The following SLC39A8 variants were observed in gnomAD, a reference collection of about 807,000 sequenced individuals.
SLC39A8 encodes solute carrier family 39 member 8, also known as metal cation symporter ZIP8.
SLC39A8 carries 15 observed loss-of-function variants against 40.4 expected under a neutral mutation model. The observed-to-expected ratio is 0.37, with a 90% CI of 0.25 to 0.57. The LOEUF (loss-of-function observed/expected upper bound fraction) is 0.57, where lower values mean the gene tolerates loss of function less well. SLC39A8 is among the 20% of genes least tolerant of loss of function. The pLI, the probability that SLC39A8 is intolerant of heterozygous loss-of-function variation, is 0.75. For synonymous variants in SLC39A8, 223 were observed against 221.6 expected (o/e 1.01, Z -0.06); for missense variants, 472 against 558.8 (o/e 0.84, Z 1.57).
chr4:102,320,541 TGA>T (rs1462526984), intron 2 of SLC39A8, among the ~76,000 whole-genome samples: 2 of 31,368 alleles, frequency 6.4e-5, no homozygotes, highest in Non-Finnish European at 1.1e-4. Flanking sequence ...AATATATATA[TGA>T]GAGTATATAT....
At chr4:102,281,376 G>A (rs1395805683) in intron 6 of SLC39A8, among the ~76,000 whole-genome samples, 4 of 152,130 alleles carry the variant, frequency 2.6e-5, no homozygotes, top group South Asian at 2.1e-4. Context: ...AACCAACCCC[G>A]TGCAGCAGCT....
At chr4:102,264,578 G>C (rs1386539759) in intron 8 of SLC39A8, among the ~76,000 whole-genome samples, 1 of 151,404 alleles carries the variant, frequency 6.6e-6, no homozygotes, top group Non-Finnish European at 1.5e-5. Flanking sequence ...TAGTAAGACA[G>C]TCAGCCTATC....
chr4:102,252,661 C>G (rs1731620131), exon 12 of SLC39A8: 1 of 152,186 alleles, frequency 6.6e-6, no homozygotes, highest in Non-Finnish European at 1.5e-5. Flanking sequence ...TAAGGATGTC[C>G]TCATGGACCA....
Position 102,315,721 on chromosome 4 carries a change from A to C in SLC39A8, c.329T>G (p.Phe110Cys). 1 of 1,613,226 alleles carries C rather than the reference A, an allele frequency of 6.2e-7. No individual in the cohort carries two copies. The highest frequency in any genetic ancestry group is 8.5e-7 in the Non-Finnish European group (1 of 1,179,478). ...ICPAVLQQLN[F>C]HPCEDRPKHK... ...CTTGGGCCGATCCTCACATGGGTGAAAGTTCAATTGCTGTAAGACTGCTGG... is the reference window on the plus strand; with the variant it reads ...CTTGGGCCGATCCTCACATGGGTGACAGTTCAATTGCTGTAAGACTGCTGG... Residue 110 changes from phenylalanine to cysteine, a missense_variant, in exon 3 of 9, where the codon TTT becomes TGT. Physicochemically the swap from Phe to Cys is radical, Grantham distance 205. This residue lies in a region of SLC39A8 where 175 missense variants were observed against 160.5 expected (regional missense o/e 1.09). Transcript: ENST00000356736.
At chr4:102,337,831 A>C (rs1735742801) in intron 2 of SLC39A8, among the ~76,000 whole-genome samples, 1 of 152,224 alleles carries the variant, frequency 6.6e-6, no homozygotes, top group Non-Finnish European at 1.5e-5. Flanking sequence ...TTGTTGCTCA[A>C]AATATAGTCC....
intron 3 of SLC39A8, among the ~76,000 whole-genome samples, chr4:102,312,899 T>C (rs543073341): frequency 1.7e-4 from 26 of 152,282 alleles, no homozygotes; most frequent in African/African-American, 6.0e-4. Context: ...CTTCAGAGTC[T>C]GTGCTTTTAC....
At chr4:102,312,021 T>C (rs938678826) in intron 3 of SLC39A8, among the ~76,000 whole-genome samples, 2 of 152,104 alleles carry the variant, frequency 1.3e-5, no homozygotes, top group African/African-American at 4.8e-5. Context: ...TTCTTCTTCC[T>C]CTGTGCCAGG....
intron 11 of SLC39A8, chr4:102,253,490 G>A (rs754473255): frequency 5.4e-5 from 37 of 685,220 alleles, no homozygotes; most frequent in Non-Finnish European, 8.1e-5. Flanking sequence ...CCATGTTTCC[G>A]TAATCTTTCA....
intron 2 of SLC39A8, among the ~76,000 whole-genome samples, chr4:102,320,174 T>C (rs1269438476): frequency 8.6e-6 from 1 of 116,036 alleles, no homozygotes; most frequent in African/African-American, 4.0e-5. Context: ...TATACATATA[T>C]ATATATATAT....
chr4:102,319,697 G>A (rs564840764), intron 2 of SLC39A8, among the ~76,000 whole-genome samples: 1 of 152,122 alleles, frequency 6.6e-6, no homozygotes, highest in African/African-American at 2.4e-5. Flanking sequence ...GTTGAGCCAA[G>A]TTCCATACTG....
chr4:102,304,855 G>A (rs1734098399), intron 5 of SLC39A8, 134 bp downstream of exon 5: 2 of 696,442 alleles, frequency 2.9e-6, no homozygotes, highest in Non-Finnish European at 4.5e-6. Context: ...TTGACTCTTT[G>A]TTCTCCTTAA....
intron 2 of SLC39A8, among the ~76,000 whole-genome samples, chr4:102,316,113 A>G (rs1172195541): frequency 1.3e-5 from 2 of 152,172 alleles, no homozygotes; most frequent in Admixed American, 1.3e-4. Context: ...GACTTTATTT[A>G]AAATAGGGGT....
intron 6 of SLC39A8, among the ~76,000 whole-genome samples, chr4:102,303,148 A>G (rs770946143): frequency 6.6e-6 from 1 of 151,606 alleles, no homozygotes; most frequent in African/African-American, 2.4e-5. Flanking sequence ...GTTCACTTTT[A>G]TATCATGTTT....
intron 2 of SLC39A8, among the ~76,000 whole-genome samples, chr4:102,329,726 C>T (rs148286497): frequency 4.6e-5 from 7 of 151,478 alleles, no homozygotes; most frequent in African/African-American, 1.7e-4. Context: ...ACAGAATATA[C>T]ATTCTTCTCA....
At chr4:102,335,076 G>A (rs917294852) in intron 2 of SLC39A8, among the ~76,000 whole-genome samples, 1 of 152,156 alleles carries the variant, frequency 6.6e-6, no homozygotes, top group Non-Finnish European at 1.5e-5. Context: ...TAGAGACAGA[G>A]CCAGTGTCTA....
rs148538295 is a variant in SLC39A8 at position 102,263,137 on chromosome 4, G to A, written c.1290C>T (p.Phe430=). 2 of 1,613,818 alleles carry A rather than the reference G, an allele frequency of 1.2e-6. No homozygotes were observed. Among genetic ancestry groups the A allele is most frequent in the Non-Finnish European group, 1.7e-6 (2 of 1,179,774 alleles). Residue 430 remains phenylalanine, a synonymous_variant, in exon 9 of 9, where the codon TTC becomes TTT. Coordinates refer to ENST00000356736, the MANE Select transcript of SLC39A8 (RefSeq NM_001135146.2). The part of the protein sequence containing the change: ...REKVTGRKTD[F]TFFMIQNAGM... ...CAGCATTCTGAATCATGAAGAAGGTGAAATCGGTTTTTCTTCCAGTTACCT... is the reference window on the plus strand; with the variant it reads ...CAGCATTCTGAATCATGAAGAAGGTAAAATCGGTTTTTCTTCCAGTTACCT...
At chr4:102,275,278 CA>C (rs775163084) in intron 6 of SLC39A8, among the ~76,000 whole-genome samples, 1 of 115,454 alleles carries the variant, frequency 8.7e-6, no homozygotes, top group African/African-American at 3.4e-5. Flanking sequence ...AAATGGAAAG[CA>C]AAAAAAACAA....
chr4:102,269,753 C>T (rs1023880310), intron 6 of SLC39A8: 13 of 152,300 alleles, frequency 8.5e-5, no homozygotes, highest in African/African-American at 2.2e-4. Context: ...GAAGGTAATT[C>T]GCAAGGAGAC....
At chr4:102,311,907 A>G (rs1201350246) in intron 3 of SLC39A8, among the ~76,000 whole-genome samples, 1 of 152,090 alleles carries the variant, frequency 6.6e-6, no homozygotes, top group African/African-American at 2.4e-5. Context: ...AATCCAGTGC[A>G]TTTAATTATT....
Sources: gnomAD v4.1 joint callset for allele counts (sites outside exome capture counted in the v4.1 genomes callset) on GRCh38, gnomAD v4.1.1 for gene constraint, gnomAD v4.1.1 regional missense constraint, MANE v1.5 for transcripts, NCBI Gene and HGNC (gene_info 2026-07-23, HGNC 2026-07-21) for gene names.